PHIP: variants seen among roughly 807,000 people sequenced by gnomAD.
PHIP encodes PH-interacting protein.
Under a neutral mutation model 236.8 loss-of-function variants are expected in PHIP, and 54 were observed. That is an observed-to-expected ratio of 0.23 (90% CI 0.18 to 0.29). The LOEUF (loss-of-function observed/expected upper bound fraction) is 0.29. PHIP is among the 10% of genes least tolerant of loss of function. PHIP has a pLI of 1.00. For missense variants in PHIP, 1,370 were observed against 2,190.8 expected (o/e 0.63, Z 7.48); for synonymous variants, 756 against 718.9 (o/e 1.05, Z -0.83).
At chr6:78,951,861 T>C (rs917720632) in intron 35 of PHIP, among the ~76,000 whole-genome samples, 1 of 152,206 alleles carries the variant, frequency 6.6e-6, no homozygotes, top group African/African-American at 2.4e-5. Context: ...GTTCCCATTG[T>C]GGCTTTGTCT....
intron 31 of PHIP, 120 bp from the exon 32 acceptor site, chr6:78,958,720 G>T: frequency 1.5e-6 from 1 of 668,750 alleles, no homozygotes; most frequent in East Asian, 2.7e-5. Flanking sequence ...AAAAACCATT[G>T]GTCTTATAAA....
intron 15 of PHIP, among the ~76,000 whole-genome samples, chr6:79,009,987 A>G (rs2127737263): frequency 6.6e-6 from 1 of 152,094 alleles, no homozygotes; most frequent in East Asian, 1.9e-4. Flanking sequence ...CATAGACTGG[A>G]AGCATCAGAG....
chr6:79,073,749 T>A (rs1034810641), intron 4 of PHIP, among the ~76,000 whole-genome samples: 2 of 152,140 alleles, frequency 1.3e-5, no homozygotes, highest in Non-Finnish European at 2.9e-5. Context: ...ATGATGGAAA[T>A]CATGGTAATT....
intron 16 of PHIP, 61 bp from the exon 17 acceptor site, chr6:79,002,185 A>T: frequency 8.8e-7 from 1 of 1,136,750 alleles, no homozygotes; most frequent in Non-Finnish European, 1.3e-6. Context: ...GTAGAAAAAA[A>T]GTCTACATCA....
In PHIP at chr6:79,017,033, T is replaced by A. The variant is rs9361481; in HGVS notation, c.1136+313A>T. Among the ~76,000 whole-genome samples the A allele has an allele frequency of 0.2, 29,631 of 151,900 alleles. 3,136 individuals are homozygous for A. Among genetic ancestry groups the A allele is most frequent in the Admixed American group, 0.25 (3,795 of 15,212 alleles). ...ATACAATATCATCAATAAACAGGTC[T>A]GCCTTAAATATTATACTGTGATACA... On this transcript the variant is annotated intron_variant, in intron 12 of 39. Coordinates refer to ENST00000275034, the MANE Select transcript of PHIP (RefSeq NM_017934.7).
At chr6:79,020,109 T>C (rs1771039873) in intron 9 of PHIP, among the ~76,000 whole-genome samples, 1 of 152,066 alleles carries the variant, frequency 6.6e-6, no homozygotes, top group East Asian at 1.9e-4. Flanking sequence ...AAAAAGTATA[T>C]ACATAAAATA....
intron 10 of PHIP, among the ~76,000 whole-genome samples, chr6:79,017,791 A>G (rs1001622834): frequency 2.6e-5 from 4 of 152,048 alleles, no homozygotes; most frequent in Non-Finnish European, 5.9e-5. Context: ...GAATTTTTCA[A>G]TATTTATAGA....
chr6:78,953,541 G>T (rs994562976), intron 35 of PHIP, among the ~76,000 whole-genome samples: 3 of 152,168 alleles, frequency 2.0e-5, no homozygotes, highest in African/African-American at 2.4e-5. Flanking sequence ...GAACATTATA[G>T]CATCAGCTCA....
Position 78,983,109 on chromosome 6 carries a change from G to T in PHIP, c.2546C>A (p.Ser849Tyr). 6.4e-7 allele frequency: 1 copy of T among 1,574,462 alleles called. No individual in the cohort carries two copies. Among genetic ancestry groups the T allele is most frequent in the Non-Finnish European group, 8.6e-7 (1 of 1,157,060 alleles). ...WHSDGSSSDY[S>Y]SDYSDWTADA... ...TGCTGTCCAGTCAGAGTAATCACTG[G>T]AGTAGTCACTAGAAGGAGAGAAGGG... Residue 849 changes from serine to tyrosine, a missense_variant, in exon 23 of 40, where the codon TCC becomes TAC. Physicochemically the swap from Ser to Tyr is moderately radical, Grantham distance 144. This residue lies in a region of PHIP where 4 missense variants were observed against 20.4 expected (regional missense o/e 0.20). Coordinates refer to ENST00000275034, the MANE Select transcript of PHIP (RefSeq NM_017934.7).
At chr6:79,036,061 G>A (rs935256398) in intron 7 of PHIP, among the ~76,000 whole-genome samples, 23 of 152,038 alleles carry the variant, frequency 1.5e-4, no homozygotes, top group African/African-American at 5.6e-4. Context: ...ACAACACTAC[G>A]AATTCATGAA....
At chr6:79,069,743 C>G (rs576211898) in intron 4 of PHIP, among the ~76,000 whole-genome samples, 1 of 151,758 alleles carries the variant, frequency 6.6e-6, no homozygotes, top group African/African-American at 2.4e-5. Flanking sequence ...TCAGAAGGAC[C>G]CTTAGATGCC....
chr6:78,990,314 G>C (rs1448362262), intron 20 of PHIP, among the ~76,000 whole-genome samples: 1 of 152,158 alleles, frequency 6.6e-6, no homozygotes, highest in African/African-American at 2.4e-5. Context: ...TCACACTCAG[G>C]AAGTACGTAT....
chr6:79,029,727 G>A (rs1462568130), intron 7 of PHIP, among the ~76,000 whole-genome samples: 9 of 152,112 alleles, frequency 5.9e-5, no homozygotes, highest in South Asian at 2.1e-4. Flanking sequence ...ATGGGGTTTC[G>A]CCCTGGTGAC....
At chr6:79,077,300 C>T in intron 4 of PHIP, 148 bp downstream of exon 4, 1 of 770,690 alleles carries the variant, frequency 1.3e-6, no homozygotes, top group Non-Finnish European at 2.2e-6. Flanking sequence ...CCCCCGCAGA[C>T]CCCGCGCCGG....
intron 4 of PHIP, among the ~76,000 whole-genome samples, chr6:79,067,180 C>T (rs1464918418): frequency 6.6e-6 from 1 of 152,314 alleles, no homozygotes; most frequent in African/African-American, 2.4e-5. Context: ...AGCCACCATG[C>T]CTAGCTCTCA....
At chr6:78,995,137 T>C (rs1436849668) in intron 19 of PHIP, among the ~76,000 whole-genome samples, 13 of 152,218 alleles carry the variant, frequency 8.5e-5, no homozygotes, top group Admixed American at 7.2e-4. Flanking sequence ...GGATGTACTT[T>C]GAAATTATTT....
chr6:78,971,893 G>C (rs1162012489), intron 24 of PHIP, among the ~76,000 whole-genome samples: 4 of 152,242 alleles, frequency 2.6e-5, no homozygotes, highest in Admixed American at 1.3e-4. Flanking sequence ...ACGGAGTCTC[G>C]CTGATTGCTA....
intron 27 of PHIP, among the ~76,000 whole-genome samples, chr6:78,966,567 T>C (rs1198659752): frequency 6.6e-6 from 1 of 152,182 alleles, no homozygotes; most frequent in Non-Finnish European, 1.5e-5. Flanking sequence ...TCACTCTCCC[T>C]TTCCTGTAAA....
At chr6:78,981,255 T>C (rs1412868977) in intron 23 of PHIP, among the ~76,000 whole-genome samples, 5 of 151,992 alleles carry the variant, frequency 3.3e-5, no homozygotes. Flanking sequence ...TTATTTCCTC[T>C]AGGAAATCTC....
Sources: allele counts gnomAD v4.1 joint callset (sites outside exome capture counted in the v4.1 genomes callset), GRCh38; gene constraint gnomAD v4.1.1; regional missense constraint gnomAD v4.1.1; transcripts MANE v1.5; gene names NCBI Gene and HGNC (gene_info 2026-07-23, HGNC 2026-07-21).